LARGE1: variants seen among roughly 807,000 people sequenced by gnomAD.
The protein encoded by LARGE1 is xylosyl- and glucuronyltransferase LARGE1.
A neutral mutation model predicts 87.6 loss-of-function variants in LARGE1; 43 were observed. The observed-to-expected ratio is 0.49, with a 90% CI of 0.38 to 0.63. The LOEUF is 0.63. Ranked by LOEUF, LARGE1 falls within the 30% of genes least tolerant of loss-of-function variation. The pLI is 0.00. For synonymous variants in LARGE1, 434 were observed against 394.6 expected (o/e 1.10, Z -1.18); for missense variants, 802 against 1,000.2 (o/e 0.80, Z 2.67).
intron 1 of LARGE1, among the ~76,000 whole-genome samples, chr22:33,841,440 C>T (rs924958239): frequency 6.6e-6 from 1 of 152,202 alleles, no homozygotes; most frequent in African/African-American, 2.4e-5. Context: ...CACCTCAGCT[C>T]TGCTCTCATC....
At position 33,908,713 on chromosome 22, in the gene LARGE1, T is replaced by C. The variant is rs183744484; in HGVS notation, c.-83+11282A>G. The stretch of plus-strand genomic sequence containing the variant: ...ACCCTCATTCCTTAAAGATTAAAAA[T>C]AAAGACTTGCTGTCTGTAAGGGATT... On this transcript the variant is annotated intron_variant, in intron 1 of 14. Transcript: ENST00000397394. 2.0e-5 allele frequency among the ~76,000 whole-genome samples: 3 copies of C among 152,220 alleles called. No individual in the cohort carries two copies. The East Asian group carries it at 5.8e-4, about 29-fold the overall frequency.
At chr22:33,149,292 T>G in the LARGE1 span, among the ~76,000 whole-genome samples, 1 of 152,106 alleles carries the variant, frequency 6.6e-6, no homozygotes, top group South Asian at 2.1e-4. Flanking sequence ...TCCGCCCGCC[T>G]TGGCCTCTCA....
At chr22:33,384,739 T>A (rs1313561466) in intron 7 of LARGE1, among the ~76,000 whole-genome samples, 1 of 148,470 alleles carries the variant, frequency 6.7e-6, no homozygotes, top group Non-Finnish European at 1.5e-5. Flanking sequence ...CGTTTAAACA[T>A]GGTTAACACG....
At chr22:33,488,626 A>G (rs1183813984) in intron 6 of LARGE1, among the ~76,000 whole-genome samples, 4 of 152,240 alleles carry the variant, frequency 2.6e-5, no homozygotes, top group Non-Finnish European at 5.9e-5. Flanking sequence ...AGATAAAAAT[A>G]AAGACATTAA....
intron 11 of LARGE1, among the ~76,000 whole-genome samples, chr22:33,239,535 C>CTTTTTTTTTTTTTTTT (rs71187254): frequency 1.9e-4 from 18 of 95,310 alleles, no homozygotes; most frequent in Non-Finnish European, 2.4e-4. Context: ...TTTTTCTTTT[C>CTTTTTTTTTTTTTTTT]TTTTTTTTTT....
chr22:33,153,742 A>C, the LARGE1 span, among the ~76,000 whole-genome samples: 32 of 152,306 alleles, frequency 2.1e-4, no homozygotes, highest in South Asian at 6.4e-3. Context: ...AGCCCACTAT[A>C]TCCTTGAGCT....
chr22:33,817,734 T>C (rs959310910), intron 1 of LARGE1, among the ~76,000 whole-genome samples: 1 of 152,108 alleles, frequency 6.6e-6, no homozygotes, highest in Non-Finnish European at 1.5e-5. Context: ...ACAGACAGGC[T>C]CTCACCGATA....
At chr22:33,175,268 T>C (rs897721918) in intron 11 of LARGE1, among the ~76,000 whole-genome samples, 1 of 151,744 alleles carries the variant, frequency 6.6e-6, no homozygotes, top group African/African-American at 2.4e-5. Flanking sequence ...CTATTCAATA[T>C]AGTATTGGAA....
At chr22:33,150,597 GATCT>G in the LARGE1 span, among the ~76,000 whole-genome samples, 2 of 152,142 alleles carry the variant, frequency 1.3e-5, no homozygotes, top group African/African-American at 4.8e-5. Context: ...TTTACCTCAA[GATCT>G]ATCATTCATT....
chr22:33,841,827 T>C (rs1326691628), intron 1 of LARGE1, among the ~76,000 whole-genome samples: 2 of 152,220 alleles, frequency 1.3e-5, no homozygotes, highest in Admixed American at 1.3e-4. Flanking sequence ...GCACAGGCTA[T>C]GTGACTTGCC....
chr22:33,298,971 G>A (rs1938070769), intron 12 of LARGE1, among the ~76,000 whole-genome samples: 1 of 152,274 alleles, frequency 6.6e-6, no homozygotes, highest in Middle Eastern at 3.4e-3. Flanking sequence ...CACTTTGGGA[G>A]GCCTGGGTGG....
At chr22:33,315,337 T>C (rs768237656) in intron 11 of LARGE1, among the ~76,000 whole-genome samples, 4 of 152,202 alleles carry the variant, frequency 2.6e-5, no homozygotes, top group Non-Finnish European at 4.4e-5. Flanking sequence ...AAGCAGTGCA[T>C]TGGCTTGTAA....
At chr22:33,866,174 C>G (rs1489697778) in intron 1 of LARGE1, among the ~76,000 whole-genome samples, 1 of 151,908 alleles carries the variant, frequency 6.6e-6, no homozygotes, top group African/African-American at 2.4e-5. Flanking sequence ...AACTCAGCTG[C>G]TGCCAGATGA....
At chr22:33,473,351 A>T (rs1292005111) in intron 6 of LARGE1, among the ~76,000 whole-genome samples, 1 of 150,782 alleles carries the variant, frequency 6.6e-6, no homozygotes, top group Non-Finnish European at 1.5e-5. Context: ...TTTATTTTTT[A>T]TTTTTTTTAT....
intron 2 of LARGE1, among the ~76,000 whole-genome samples, chr22:33,660,981 A>AT (rs1387422756): frequency 5.9e-5 from 9 of 152,086 alleles, no homozygotes; most frequent in Admixed American, 3.3e-4. Flanking sequence ...TAAGAATCAT[A>AT]TTTTACAGTA....
At chr22:33,120,340 T>C in the LARGE1 span, among the ~76,000 whole-genome samples, 1 of 144,434 alleles carries the variant, frequency 6.9e-6, no homozygotes, top group Admixed American at 6.9e-5. Flanking sequence ...TTTCTTTCTT[T>C]TTCTTTCTTT....
At chr22:33,747,749 C>CT (rs1227444552) in intron 2 of LARGE1, 1 of 152,210 alleles carries the variant, frequency 6.6e-6, no homozygotes, top group Non-Finnish European at 1.5e-5. Flanking sequence ...CAGTGCCTGA[C>CT]TGTGTGTGCG....
chr22:33,277,248 C>T lies in LARGE1; in HGVS notation c.1885G>A (p.Val629Ile), dbSNP rs547202997. The T allele has an allele frequency of 1.3e-5, 21 of 1,614,142 alleles. No individual in the cohort carries two copies. Among genetic ancestry groups the T allele is most frequent in the Middle Eastern group, 3.3e-4 (2 of 6,058 alleles). ...MGTLFTFRYH[V>I]WTKGHAPTNF... ...GTGGGTGCGTGGCCTTTCGTCCAGA[C>T]GTGGTACCTGAGACACACGGAGAAA... Residue 629 changes from valine (V) to isoleucine (I), a missense_variant, in exon 14 of 15, where the codon GTC becomes ATC. This residue lies in a region of LARGE1 where 625 missense variants were observed against 841.9 expected (regional missense o/e 0.74). Coordinates refer to ENST00000397394, the MANE Select transcript of LARGE1 (RefSeq NM_133642.5).
intron 7 of LARGE1, among the ~76,000 whole-genome samples, chr22:33,388,035 T>C (rs1185696473): frequency 6.6e-5 from 10 of 152,230 alleles, no homozygotes; most frequent in Non-Finnish European, 1.3e-4. Flanking sequence ...ATGCACATAA[T>C]AACACATGGT....
Sources: gnomAD v4.1 joint callset for allele counts (sites outside exome capture counted in the v4.1 genomes callset) on GRCh38, gnomAD v4.1.1 for gene constraint, gnomAD v4.1.1 regional missense constraint, MANE v1.5 for transcripts, NCBI Gene and HGNC (gene_info 2026-07-23, HGNC 2026-07-21) for gene names.